The following NUP210L variants were observed in gnomAD, a reference collection of about 807,000 sequenced individuals.
NUP210L encodes nuclear pore membrane glycoprotein 210-like.
In NUP210L, 74 loss-of-function variants were observed where a neutral mutation model predicts 208.5. That is an observed-to-expected ratio of 0.35 (90% CI 0.29 to 0.43). NUP210L has a LOEUF of 0.43. Among genes scored for constraint, NUP210L ranks in the 20% least tolerant of loss-of-function variants. The pLI is 1.00. For missense variants in NUP210L, 1,843 were observed against 2,289.4 expected (o/e 0.81, Z 3.98); for synonymous variants, 780 against 816.9 (o/e 0.95, Z 0.77).
chr1:154,122,876 T>C (rs1223420254), intron 10 of NUP210L, among the ~76,000 whole-genome samples: 4 of 151,450 alleles, frequency 2.6e-5, no homozygotes, highest in African/African-American at 7.3e-5. Context: ...CAGGGCAACA[T>C]GGTGAAACTC....
intron 14 of NUP210L, among the ~76,000 whole-genome samples, chr1:154,099,642 G>A (rs530020376): frequency 4.6e-5 from 7 of 152,104 alleles, no homozygotes; most frequent in African/African-American, 1.4e-4. Flanking sequence ...TACTAACTTC[G>A]GTATTTACAG....
At chr1:153,994,529 C>G (rs1187689751) in intron 38 of NUP210L, among the ~76,000 whole-genome samples, 3 of 150,814 alleles carry the variant, frequency 2.0e-5, no homozygotes. Context: ...CCAGGCTGGT[C>G]TCGAACTCCT....
At chr1:154,001,809 A>G (rs1486281875) in exon 36 of NUP210L, 8 of 1,614,072 alleles carry the variant, frequency 5.0e-6, no homozygotes, top group East Asian at 4.5e-5. Context: ...CTAAGAACCA[A>G]TTCTGACTGG....
At chr1:154,004,804 G>A (rs558355932) in intron 35 of NUP210L, among the ~76,000 whole-genome samples, 1 of 151,494 alleles carries the variant, frequency 6.6e-6, no homozygotes, top group Non-Finnish European at 1.5e-5. Flanking sequence ...GAGCCACTGT[G>A]GCCAGGCTAT....
At position 154,017,004 on chromosome 1, in the gene NUP210L, G is replaced by A. The variant is rs190257927; in HGVS notation, c.4653+1929C>T. Among the ~76,000 whole-genome samples the A allele has an allele frequency of 1.9e-3, 294 of 151,880 alleles. 1 individual carries two copies. Among genetic ancestry groups the A allele is most frequent in the Admixed American group, 5.6e-3 (85 of 15,224 alleles). ...AAAACACGCACAAAAAAGCCTGGGC[G>A]CAGTGGCAGCTCATGCCTATAATCC... is the stretch of plus-strand genomic sequence containing the variant. On this transcript the variant is annotated intron_variant, in intron 33 of 39. Transcript: ENST00000368559.
chr1:154,074,729 T>A (rs1363167540), intron 16 of NUP210L, among the ~76,000 whole-genome samples: 4 of 152,162 alleles, frequency 2.6e-5, no homozygotes, highest in African/African-American at 7.2e-5. Flanking sequence ...GACCTTGTGA[T>A]CTACCTGCTT....
In NUP210L at chr1:153,992,955, T is replaced by C. The variant is rs750308292; in HGVS notation, c.5567-20A>G. On this transcript the variant is annotated intron_variant, in intron 39 of 39. Transcript: ENST00000368559. ...AAAAACCTAGAAGAAGAGGGAAAAG[T>C]TGAGTGAATTAAACGTGTGTATCTG... is the stretch of plus-strand genomic sequence containing the variant. 1 of 1,608,110 alleles carries C rather than the reference T, an allele frequency of 6.2e-7. No homozygotes were observed. Among genetic ancestry groups the C allele is most frequent in the Admixed American group, 1.7e-5 (1 of 58,922 alleles).
At chr1:154,074,180 CTG>C (rs1654921866) in intron 16 of NUP210L, among the ~76,000 whole-genome samples, 1 of 152,128 alleles carries the variant, frequency 6.6e-6, no homozygotes, top group Non-Finnish European at 1.5e-5. Flanking sequence ...GGTTTCCCCT[CTG>C]TGGGTGATAA....
At chr1:154,118,899 A>G in intron 10 of NUP210L, 91 bp from the exon 11 acceptor site, 1 of 634,618 alleles carries the variant, frequency 1.6e-6, no homozygotes, top group Non-Finnish European at 2.5e-6. Context: ...GCAAAATGGT[A>G]TGCTCATAAA....
chr1:154,035,460 C>T (rs373949599), intron 27 of NUP210L, among the ~76,000 whole-genome samples: 18 of 147,210 alleles, frequency 1.2e-4, no homozygotes, highest in South Asian at 6.5e-4. Context: ...TGCAATGGCG[C>T]GATCTTGGAT....
chr1:153,993,979 C>A (rs1649662732), intron 38 of NUP210L, among the ~76,000 whole-genome samples: 1 of 152,156 alleles, frequency 6.6e-6, no homozygotes, highest in Non-Finnish European at 1.5e-5. Flanking sequence ...TTCCCTGTCT[C>A]AAGAAATCCT....
Position 154,141,418 on chromosome 1 carries a change from G to A in NUP210L, c.566+13C>T. The A allele has an allele frequency of 6.6e-7, 1 of 1,519,876 alleles. No homozygotes were observed. Among genetic ancestry groups the A allele is most frequent in the Non-Finnish European group, 9.1e-7 (1 of 1,094,106 alleles). The allele number at this position is 1,519,876 out of a possible 1,614,324, so 94.1% of individuals were successfully genotyped here. On this transcript the variant is annotated intron_variant, in intron 4 of 39. Coordinates refer to ENST00000368559, the Ensembl canonical transcript of NUP210L. ...TTCATAGTCAGATGATTTATGTTTG[G>A]TTTCAAGTTTACCTAATTTTGCTAG...
intron 30 of NUP210L, among the ~76,000 whole-genome samples, chr1:154,024,922 GTTTTTTT>G (rs71096508): frequency 2.4e-5 from 2 of 83,688 alleles, no homozygotes; most frequent in Non-Finnish European, 4.2e-5. Context: ...AGGCTGATCT[GTTTTTTT>G]TTTTTTTTTT....
chr1:154,040,487 G>A (rs1018304639), intron 27 of NUP210L, among the ~76,000 whole-genome samples: 6 of 152,020 alleles, frequency 3.9e-5, no homozygotes, highest in African/African-American at 1.2e-4. Context: ...GATTGTTTTC[G>A]TAGTGATTTC....
chr1:153,995,039 A>T (rs768698338), intron 38 of NUP210L, 37 bp downstream of exon 38: 26 of 1,290,120 alleles, frequency 2.0e-5, no homozygotes, highest in Non-Finnish European at 2.4e-5. Context: ...GGCAGTTTTC[A>T]TGTCAAAGTC....
At chr1:154,154,348 G>C (rs2148170269) in intron 1 of NUP210L, among the ~76,000 whole-genome samples, 1 of 152,276 alleles carries the variant, frequency 6.6e-6, no homozygotes, top group East Asian at 1.9e-4. Flanking sequence ...CCAATACTTG[G>C]CTGTTGTGTT....
chr1:154,045,961 G>C, intron 27 of NUP210L, 108 bp downstream of exon 27: 2 of 1,029,132 alleles, frequency 1.9e-6, no homozygotes, highest in Non-Finnish European at 2.8e-6. Flanking sequence ...CTCCAGCCTG[G>C]GGGACAGAGT....
chr1:154,123,073 C>G (rs76800011), intron 10 of NUP210L, among the ~76,000 whole-genome samples: 1 of 140,908 alleles, frequency 7.1e-6, no homozygotes, highest in Non-Finnish European at 1.6e-5. Flanking sequence ...AAAAAAACCA[C>G]AAAAAACTAC....
intron 35 of NUP210L, among the ~76,000 whole-genome samples, chr1:154,006,686 G>T (rs902351570): frequency 2.0e-5 from 3 of 150,438 alleles, no homozygotes; most frequent in Admixed American, 6.7e-5. Flanking sequence ...GTAGAGATGG[G>T]GTTTCACCAT....
Sources: gnomAD v4.1 joint callset for allele counts (sites outside exome capture counted in the v4.1 genomes callset) on GRCh38, gnomAD v4.1.1 for gene constraint, MANE v1.5 for transcripts, NCBI Gene and HGNC (gene_info 2026-07-23, HGNC 2026-07-21) for gene names.